The following SPOCK3 variants were observed in gnomAD, a reference collection of about 807,000 sequenced individuals.
SPOCK3 encodes SPARC (osteonectin), cwcv and kazal like domains proteoglycan 3, also known as testican-3.
SPOCK3 carries 30 observed loss-of-function variants against 56.6 expected under a neutral mutation model. The observed-to-expected ratio is 0.53, with a 90% CI of 0.40 to 0.72. The LOEUF (loss-of-function observed/expected upper bound fraction) is 0.72. Among genes scored for constraint, SPOCK3 ranks in the 30% least tolerant of loss-of-function variants. SPOCK3 has a pLI of 0.00. For synonymous variants in SPOCK3, 196 were observed against 183.3 expected, an observed-to-expected ratio of 1.07 and a Z score of -0.56; for missense variants, 527 against 530.0, an observed-to-expected ratio of 0.99 and a Z score of 0.06.
At chr4:167,081,923 C>A (rs990039102) in intron 2 of SPOCK3, among the ~76,000 whole-genome samples, 5 of 152,020 alleles carry the variant, frequency 3.3e-5, no homozygotes, top group African/African-American at 1.2e-4. Flanking sequence ...TTCATTCCAG[C>A]CTTCCTAATG....
At chr4:167,068,479 T>C (rs1363737427) in intron 2 of SPOCK3, among the ~76,000 whole-genome samples, 3 of 151,720 alleles carry the variant, frequency 2.0e-5, no homozygotes, top group Admixed American at 6.6e-5. Flanking sequence ...TCATCAATCA[T>C]TATGCTACAA....
At chr4:166,972,123 T>C (rs536759105) in intron 4 of SPOCK3, among the ~76,000 whole-genome samples, 9 of 152,260 alleles carry the variant, frequency 5.9e-5, no homozygotes, top group African/African-American at 2.2e-4. Flanking sequence ...CTGTGGTGCA[T>C]CACTTCCTGT....
intron 7 of SPOCK3, 61 bp downstream of exon 7, chr4:166,792,109 T>G: frequency 6.3e-7 from 1 of 1,593,422 alleles, no homozygotes; most frequent in East Asian, 2.2e-5. Flanking sequence ...TTCTAAGTGG[T>G]TCATTGGAAA....
chr4:167,176,098 C>T (rs1306571677), intron 2 of SPOCK3, among the ~76,000 whole-genome samples: 1 of 151,994 alleles, frequency 6.6e-6, no homozygotes, highest in African/African-American at 2.4e-5. Context: ...GGTTCATGGC[C>T]CAGTCATTCT....
At chr4:167,216,722 A>T (rs1735400139) in intron 2 of SPOCK3, among the ~76,000 whole-genome samples, 1 of 152,148 alleles carries the variant, frequency 6.6e-6, no homozygotes, top group African/African-American at 2.4e-5. Flanking sequence ...CGTTTTAAAT[A>T]ATCACAGCTG....
chr4:167,050,749 T>C (rs1438842114), intron 3 of SPOCK3, among the ~76,000 whole-genome samples: 1 of 152,152 alleles, frequency 6.6e-6, no homozygotes, highest in Admixed American at 6.5e-5. Context: ...TGCTACAACA[T>C]GGCTGAGCCT....
intron 4 of SPOCK3, among the ~76,000 whole-genome samples, chr4:166,939,255 A>G (rs1404708682): frequency 6.6e-6 from 1 of 152,164 alleles, no homozygotes; most frequent in Non-Finnish European, 1.5e-5. Flanking sequence ...TGGAGAATGC[A>G]GTTAAGAGTT....
chr4:166,870,484 A>C (rs960550812), intron 6 of SPOCK3, among the ~76,000 whole-genome samples: 2 of 152,132 alleles, frequency 1.3e-5, no homozygotes, highest in Non-Finnish European at 2.9e-5. Context: ...AAAATGTAAT[A>C]TAATAAAAAC....
At chr4:167,099,393 A>G (rs532855814) in intron 2 of SPOCK3, among the ~76,000 whole-genome samples, 216 of 152,140 alleles carry the variant, frequency 1.4e-3, no homozygotes, top group Non-Finnish European at 2.5e-3. Context: ...AAGGAAAAAT[A>G]TAATGATCAT....
At chr4:166,944,676 G>T (rs1176818034) in intron 4 of SPOCK3, among the ~76,000 whole-genome samples, 3 of 152,058 alleles carry the variant, frequency 2.0e-5, no homozygotes, top group African/African-American at 7.2e-5. Flanking sequence ...AACTTTGGCA[G>T]GAGTATCACA....
intron 6 of SPOCK3, among the ~76,000 whole-genome samples, chr4:166,880,351 T>C (rs1403072388): frequency 6.6e-6 from 1 of 152,170 alleles, no homozygotes; most frequent in Non-Finnish European, 1.5e-5. Context: ...TCTCCTTAAG[T>C]CCTCCACAGA....
Position 167,231,232 on chromosome 4 carries a change from T to C in SPOCK3, c.189+2753A>G, listed in dbSNP as rs543336217. Among the ~76,000 whole-genome samples, 3 of 152,180 alleles carry C rather than the reference T, an allele frequency of 2.0e-5. No homozygotes were observed. The East Asian group carries it at 5.8e-4, about 29-fold the overall frequency. The stretch of plus-strand genomic sequence containing the variant: ...TATTATTTAAGATACTTTTAAAATG[T>C]ATTTCAAAAGAAAGAACAGTTCAAA... On this transcript the variant is annotated intron_variant, in intron 2 of 10. Transcript: ENST00000357545.
chr4:167,123,581 AG>A (rs1336594370), intron 2 of SPOCK3, among the ~76,000 whole-genome samples: 1 of 151,924 alleles, frequency 6.6e-6, no homozygotes, highest in Admixed American at 6.6e-5. Flanking sequence ...CCATGGTTCT[AG>A]GTTTGACTGT....
chr4:166,772,361 C>G (rs1459106866), intron 7 of SPOCK3, among the ~76,000 whole-genome samples: 2 of 152,032 alleles, frequency 1.3e-5, no homozygotes, highest in Non-Finnish European at 2.9e-5. Context: ...CTGAATGTAT[C>G]TATATTGTGT....
intron 4 of SPOCK3, among the ~76,000 whole-genome samples, chr4:166,944,475 T>C (rs921007854): frequency 6.6e-6 from 1 of 152,220 alleles, no homozygotes; most frequent in Non-Finnish European, 1.5e-5. Flanking sequence ...ACTTTTTGTA[T>C]ATAGTTGACA....
chr4:166,767,869 G>A (rs895289060), intron 7 of SPOCK3, among the ~76,000 whole-genome samples: 4 of 152,110 alleles, frequency 2.6e-5, no homozygotes, highest in African/African-American at 9.7e-5. Context: ...GAATCTGGAT[G>A]CTCCCATATT....
chr4:166,961,891 CAT>C (rs1365742315), intron 4 of SPOCK3, among the ~76,000 whole-genome samples: 2 of 152,122 alleles, frequency 1.3e-5, no homozygotes, highest in African/African-American at 2.4e-5. Flanking sequence ...GAGTCATTAT[CAT>C]TCCTATTCCA....
chr4:167,009,416 C>A (rs542799402), intron 3 of SPOCK3, among the ~76,000 whole-genome samples: 3 of 152,078 alleles, frequency 2.0e-5, no homozygotes, highest in Non-Finnish European at 1.5e-5. Context: ...AAATAATTAC[C>A]ATGAAAGGAT....
At chr4:167,057,288 A>G (rs1352020352) in intron 3 of SPOCK3, among the ~76,000 whole-genome samples, 1 of 152,222 alleles carries the variant, frequency 6.6e-6, no homozygotes, top group African/African-American at 2.4e-5. Flanking sequence ...TCAAGGAAGC[A>G]CTAAACATGG....
Sources: gnomAD v4.1 joint callset for allele counts (sites outside exome capture counted in the v4.1 genomes callset) on GRCh38, gnomAD v4.1.1 for gene constraint, MANE v1.5 for transcripts, NCBI Gene and HGNC (gene_info 2026-07-23, HGNC 2026-07-21) for gene names.